ADAMTSL3: variants seen among roughly 807,000 people sequenced by gnomAD.
ADAMTSL3 encodes the protein ADAMTS-like protein 3.
In ADAMTSL3, 128 loss-of-function variants were observed where a neutral mutation model predicts 201.7. The ratio of observed to expected loss-of-function variants is 0.63; its 90% confidence interval spans 0.55 to 0.73. The LOEUF (loss-of-function observed/expected upper bound fraction) is 0.73, where lower values mean the gene tolerates loss of function less well. ADAMTSL3 is among the 30% of genes least tolerant of loss of function. The pLI is 0.00. For missense variants in ADAMTSL3, 1,990 were observed against 2,119.6 expected (o/e 0.94, Z 1.20); for synonymous variants, 738 against 748.4 (o/e 0.99, Z 0.23).
chr15:83,838,718 A>C (rs1157128411), intron 7 of ADAMTSL3, among the ~76,000 whole-genome samples: 1 of 152,176 alleles, frequency 6.6e-6, no homozygotes, highest in African/African-American at 2.4e-5. Flanking sequence ...CAGTTTGTTA[A>C]TTGACTTTCA....
chr15:83,866,053 G>A (rs957787856), intron 8 of ADAMTSL3, among the ~76,000 whole-genome samples: 4 of 152,144 alleles, frequency 2.6e-5, no homozygotes, highest in African/African-American at 7.2e-5. Context: ...TCAAAACCAT[G>A]ATGAGATACC....
At chr15:84,028,960 T>C (rs138233392) in intron 27 of ADAMTSL3, among the ~76,000 whole-genome samples, 21 of 152,342 alleles carry the variant, frequency 1.4e-4, no homozygotes, top group African/African-American at 3.8e-4. Flanking sequence ...CCTTGCTTCC[T>C]CTTTGCCTTC....
At chr15:83,719,437 A>G (rs2062066199) in intron 3 of ADAMTSL3, among the ~76,000 whole-genome samples, 1 of 152,226 alleles carries the variant, frequency 6.6e-6, no homozygotes, top group South Asian at 2.1e-4. Context: ...TAAACAGACA[A>G]AAAACCTACG....
rs576076672 is a variant in ADAMTSL3, at chr15:83,807,194, G to A, written c.363+2499G>A. Among the ~76,000 whole-genome samples the A allele has an allele frequency of 9.9e-5, 15 of 152,274 alleles. No homozygotes were observed. The East Asian group carries it at 1.2e-3, about 12-fold the overall frequency. The stretch of plus-strand genomic sequence containing the variant: ...TTAATGGCCGGGCATGGTGGCTCAC[G>A]CCTGTAATCCCAGCACTTTGGGAGG... On this transcript the variant is annotated intron_variant, in intron 5 of 29. Coordinates refer to ENST00000286744, the MANE Select transcript of ADAMTSL3 (RefSeq NM_207517.3).
intron 25 of ADAMTSL3, among the ~76,000 whole-genome samples, chr15:84,020,420 A>C (rs1304889322): frequency 6.6e-6 from 1 of 152,260 alleles, no homozygotes; most frequent in Non-Finnish European, 1.5e-5. Context: ...GTCACCTGGG[A>C]GGTTCTCAGT....
intron 6 of ADAMTSL3, among the ~76,000 whole-genome samples, chr15:83,822,628 A>T (rs1223735846): frequency 6.6e-6 from 1 of 150,430 alleles, no homozygotes; most frequent in Non-Finnish European, 1.5e-5. Context: ...CTCACTTCCT[A>T]GATGGGATGG....
At chr15:83,701,645 A>G (rs998312528) in intron 2 of ADAMTSL3, among the ~76,000 whole-genome samples, 3 of 152,284 alleles carry the variant, frequency 2.0e-5, no homozygotes, top group East Asian at 1.9e-4. Context: ...GGCTTTATCA[A>G]TGGTTTCCAC....
intron 13 of ADAMTSL3, among the ~76,000 whole-genome samples, chr15:83,895,327 T>A (rs2065590127): frequency 6.6e-6 from 1 of 152,188 alleles, no homozygotes; most frequent in African/African-American, 2.4e-5. Flanking sequence ...TCAACATTAT[T>A]TCTACAACTG....
At chr15:83,810,410 A>T (rs1482302851) in intron 5 of ADAMTSL3, among the ~76,000 whole-genome samples, 1 of 152,224 alleles carries the variant, frequency 6.6e-6, no homozygotes, top group African/African-American at 2.4e-5. Context: ...TTAAACAAGC[A>T]TGTGGGTGCA....
intron 17 of ADAMTSL3, among the ~76,000 whole-genome samples, chr15:83,926,772 T>G (rs1567240995): frequency 1.3e-5 from 2 of 151,864 alleles, no homozygotes; most frequent in East Asian, 3.9e-4. Flanking sequence ...CCTGCCACCA[T>G]GCCCAGATAA....
chr15:83,692,061 A>G (rs1371074115), intron 2 of ADAMTSL3, among the ~76,000 whole-genome samples: 3 of 152,010 alleles, frequency 2.0e-5, no homozygotes, highest in Admixed American at 6.6e-5. Flanking sequence ...CCTGTATTGC[A>G]CCCAACACAC....
intron 19 of ADAMTSL3, among the ~76,000 whole-genome samples, chr15:83,965,926 A>T (rs916024217): frequency 6.6e-6 from 1 of 152,228 alleles, no homozygotes; most frequent in African/African-American, 2.4e-5. Flanking sequence ...CCTGCTCCTG[A>T]ATGACTACTG....
At chr15:83,907,036 T>C (rs1473326169) in intron 15 of ADAMTSL3, among the ~76,000 whole-genome samples, 1 of 149,022 alleles carries the variant, frequency 6.7e-6, no homozygotes, top group South Asian at 2.1e-4. Flanking sequence ...CAAGGCTGCA[T>C]TGAGCCGTGA....
chr15:83,894,723 G>A (rs906541068), intron 13 of ADAMTSL3, among the ~76,000 whole-genome samples: 3 of 151,706 alleles, frequency 2.0e-5, no homozygotes, highest in African/African-American at 7.3e-5. Context: ...TATGATCATT[G>A]AAATTAATTT....
At chr15:83,697,707 T>G (rs2061704692) in intron 2 of ADAMTSL3, among the ~76,000 whole-genome samples, 1 of 152,166 alleles carries the variant, frequency 6.6e-6, no homozygotes, top group Non-Finnish European at 1.5e-5. Context: ...GGCACACAGA[T>G]ATGTTCACCA....
chr15:83,946,766 G>T (rs1209681169), intron 19 of ADAMTSL3, among the ~76,000 whole-genome samples: 1 of 152,230 alleles, frequency 6.6e-6, no homozygotes, highest in Non-Finnish European at 1.5e-5. Flanking sequence ...GGCTACCCAT[G>T]TGAGCTGGTT....
intron 2 of ADAMTSL3, among the ~76,000 whole-genome samples, chr15:83,686,738 A>G (rs971653077): frequency 8.5e-5 from 13 of 152,124 alleles, no homozygotes; most frequent in Non-Finnish European, 7.3e-5. Flanking sequence ...AGTAAAATGT[A>G]TTGGAAACAC....
At chr15:83,845,813 T>G (rs1011321772) in intron 7 of ADAMTSL3, among the ~76,000 whole-genome samples, 2 of 152,206 alleles carry the variant, frequency 1.3e-5, no homozygotes, top group African/African-American at 4.8e-5. Context: ...AGGTTTCCTC[T>G]TATCTCCCAT....
Position 83,942,633 on chromosome 15 carries a change from T to G in ADAMTSL3, c.2155T>G (p.Cys719Gly). 6.2e-7 allele frequency: 1 copy of G among 1,613,936 alleles called. No homozygotes were observed. The highest frequency in any genetic ancestry group is 1.1e-5 in the South Asian group (1 of 91,072). ...VGSWGPCSAT[C>G]GVGIQTRDVY... is the part of the protein sequence containing the mutation. ...CTCTTGGGGGCCCTGCTCAGCTACC[T>G]GTGGAGTTGGAATTCAGACCCGAGA... is the stretch of plus-strand genomic sequence containing the variant. Residue 719 changes from cysteine (C) to glycine (G), a missense_variant, in exon 18 of 30, where the codon TGT (cysteine) becomes GGT (glycine). Cys to Gly is a radical substitution (Grantham distance 159). Transcript: ENST00000286744.
Sources: gnomAD v4.1 joint callset for allele counts (sites outside exome capture counted in the v4.1 genomes callset) on GRCh38, gnomAD v4.1.1 for gene constraint, MANE v1.5 for transcripts, NCBI Gene and HGNC (gene_info 2026-07-23, HGNC 2026-07-21) for gene names.